Variants in NUMB observed in about 807,000 individuals in gnomAD.
NUMB encodes the protein protein numb homolog.
Under a neutral mutation model 59.7 loss-of-function variants are expected in NUMB, and 29 were observed. The ratio of observed to expected loss-of-function variants is 0.49; its 90% confidence interval spans 0.36 to 0.66. The LOEUF (loss-of-function observed/expected upper bound fraction) is 0.66, where lower values mean the gene tolerates loss of function less well. NUMB is among the 30% of genes least tolerant of loss of function. NUMB has a pLI of 0.00. For synonymous variants in NUMB, 288 were observed against 288.2 expected (o/e 1.00, Z 0.01); for missense variants, 723 against 822.0 (o/e 0.88, Z 1.47).
chr14:73,377,843 T>C (rs1895030064), intron 2 of NUMB, among the ~76,000 whole-genome samples: 1 of 152,146 alleles, frequency 6.6e-6, no homozygotes. Context: ...GGCGGGTACC[T>C]GTAATCCCAG....
At chr14:73,407,329 G>A (rs1896717813) in intron 2 of NUMB, among the ~76,000 whole-genome samples, 2 of 152,266 alleles carry the variant, frequency 1.3e-5, no homozygotes, top group South Asian at 4.1e-4. Flanking sequence ...GCATGCTCCT[G>A]TAGTCCCAGT....
intron 1 of NUMB, among the ~76,000 whole-genome samples, chr14:73,430,253 G>C (rs900238106): frequency 6.6e-6 from 1 of 152,120 alleles, no homozygotes; most frequent in African/African-American, 2.4e-5. Flanking sequence ...GAGTGAAACA[G>C]TGGACCATTC....
chr14:73,298,852 C>T (rs1413689864), intron 6 of NUMB: 1 of 152,106 alleles, frequency 6.6e-6, no homozygotes, highest in African/African-American at 2.4e-5. Flanking sequence ...ATATGCCAGC[C>T]AGTGGAAATA....
intron 1 of NUMB, among the ~76,000 whole-genome samples, chr14:73,447,800 TGAGATGGAGGC>T (rs1883640491): frequency 6.6e-6 from 1 of 151,040 alleles, no homozygotes. Flanking sequence ...TTTTTTTTTT[TGAGATGGAGGC>T]TGACTCTGTC....
chr14:73,410,971 T>C (rs116116998), intron 1 of NUMB, among the ~76,000 whole-genome samples: 98 of 152,318 alleles, frequency 6.4e-4, no homozygotes, highest in African/African-American at 2.2e-3. Flanking sequence ...CATAAATGGG[T>C]TAAGTCTTCT....
At chr14:73,299,297 A>G (rs1191181378) in intron 6 of NUMB, 4 of 152,158 alleles carry the variant, frequency 2.6e-5, no homozygotes, top group African/African-American at 9.7e-5. Flanking sequence ...TGGGCAAATT[A>G]GAAGCTACTC....
intron 1 of NUMB, among the ~76,000 whole-genome samples, chr14:73,434,967 T>C (rs1030688483): frequency 1.4e-4 from 21 of 152,290 alleles, no homozygotes; most frequent in African/African-American, 4.8e-4. Flanking sequence ...TAAATCTGGA[T>C]CCATAAGTAG....
chr14:73,439,769 G>A (rs1882884639), intron 1 of NUMB, among the ~76,000 whole-genome samples: 1 of 152,144 alleles, frequency 6.6e-6, no homozygotes, highest in South Asian at 2.1e-4. Flanking sequence ...GAGGAGAAAG[G>A]AGAGAGAAAG....
intron 6 of NUMB, chr14:73,297,688 G>T: frequency 6.1e-6 from 1 of 164,498 alleles, no homozygotes. Flanking sequence ...GCGTCCACAA[G>T]TGTATTTAGA....
intron 2 of NUMB, 100 bp downstream of exon 2, chr14:73,409,837 T>C (rs1003788843): frequency 4.6e-5 from 7 of 152,252 alleles, no homozygotes; most frequent in Non-Finnish European, 1.0e-4. Context: ...AGGGTTATAT[T>C]TGTAAAGGCA....
chr14:73,338,245 C>T (rs1178699010), intron 4 of NUMB, among the ~76,000 whole-genome samples: 1 of 152,072 alleles, frequency 6.6e-6, no homozygotes, highest in Non-Finnish European at 1.5e-5. Context: ...TATGAATGTG[C>T]CATTGCACTC....
chr14:73,294,027 G>T (rs1889588241), intron 7 of NUMB, among the ~76,000 whole-genome samples: 1 of 152,326 alleles, frequency 6.6e-6, no homozygotes, highest in South Asian at 2.1e-4. Context: ...GAATAAGTCA[G>T]ACTTGTCTGT....
At chr14:73,394,754 C>T (rs1896034596) in intron 2 of NUMB, among the ~76,000 whole-genome samples, 1 of 152,166 alleles carries the variant, frequency 6.6e-6, no homozygotes, top group South Asian at 2.1e-4. Flanking sequence ...CTTTTCAAGA[C>T]TCCACTTATA....
At chr14:73,322,966 C>T (rs1412451494) in intron 5 of NUMB, 164 bp downstream of exon 5, 1 of 556,520 alleles carries the variant, frequency 1.8e-6, no homozygotes, top group Non-Finnish European at 3.2e-6. Context: ...GCTAGGATTA[C>T]AGGAGTGAGC....
chr14:73,421,414 G>A (rs1377469210), intron 1 of NUMB, among the ~76,000 whole-genome samples: 1 of 151,794 alleles, frequency 6.6e-6, no homozygotes, highest in Non-Finnish European at 1.5e-5. Context: ...TGAAGCCTCA[G>A]GTGGTCCACC....
At chr14:73,457,532 C>T (rs1884474490) in intron 1 of NUMB, 1 of 152,284 alleles carries the variant, frequency 6.6e-6, no homozygotes, top group South Asian at 2.1e-4. Flanking sequence ...CTTATCCCCT[C>T]CTATAGGGAT....
chr14:73,333,015 AC>A (rs746041335), intron 4 of NUMB, among the ~76,000 whole-genome samples: 10 of 152,144 alleles, frequency 6.6e-5, no homozygotes, highest in Non-Finnish European at 1.2e-4. Flanking sequence ...CCATCAATGG[AC>A]ATTTGGACTG....
intron 4 of NUMB, among the ~76,000 whole-genome samples, chr14:73,341,548 G>T (rs1037142538): frequency 2.6e-5 from 4 of 152,008 alleles, no homozygotes; most frequent in Admixed American, 2.6e-4. Context: ...ATGGAAATGG[G>T]GTAGGAAAAG....
intron 2 of NUMB, among the ~76,000 whole-genome samples, chr14:73,393,913 G>T (rs1895983910): frequency 6.6e-6 from 1 of 152,076 alleles, no homozygotes; most frequent in Non-Finnish European, 1.5e-5. Flanking sequence ...AATCTTAACT[G>T]TTTAAATTTA....
Sources: allele counts gnomAD v4.1 joint callset (sites outside exome capture counted in the v4.1 genomes callset), GRCh38; gene constraint gnomAD v4.1.1; transcripts MANE v1.5; gene names NCBI Gene and HGNC (gene_info 2026-07-23, HGNC 2026-07-21).